EBF2: variants seen among roughly 807,000 people sequenced by gnomAD.
The protein encoded by EBF2 is transcription factor COE2.
A neutral mutation model predicts 72.8 loss-of-function variants in EBF2; 21 were observed. That is an observed-to-expected ratio of 0.29 (90% CI 0.20 to 0.42). The LOEUF is 0.42. Ranked by LOEUF, EBF2 falls within the 10% of genes least tolerant of loss-of-function variation. The pLI is 1.00. For synonymous variants in EBF2, 299 were observed against 274.2 expected, an observed-to-expected ratio of 1.09 and a Z score of -0.89; for missense variants, 637 against 731.2, an observed-to-expected ratio of 0.87 and a Z score of 1.49.
chr8:26,035,254 T>C (rs529945685), intron 5 of EBF2, among the ~76,000 whole-genome samples: 41 of 152,210 alleles, frequency 2.7e-4, no homozygotes, highest in African/African-American at 9.6e-4. Context: ...ATGATCCTCC[T>C]TTCTCAGACT....
chr8:25,984,181 C>T (rs1359191038), intron 6 of EBF2, among the ~76,000 whole-genome samples: 2 of 152,074 alleles, frequency 1.3e-5, no homozygotes, highest in Non-Finnish European at 2.9e-5. Context: ...GCTGGGTCTC[C>T]CAAATTTGGG....
At position 25,850,778 on chromosome 8, in the gene EBF2, C is replaced by A. The variant is rs1801951480; in HGVS notation, c.1529-17G>T. On this transcript the variant is annotated splice_polypyrimidine_tract_variant and intron_variant, in intron 14 of 15. Transcript: ENST00000520164. ...ATGACATGACTGGAAAGCAAATGCA[C>A]AATCCTCATTTAGAAATTAAGATCT... The A allele has an allele frequency of 1.9e-6, 3 of 1,549,588 alleles. No individual in the cohort carries two copies. In the Admixed American group the frequency reaches 6.6e-5, roughly 34 times the overall value.
chr8:25,876,554 C>T (rs534251853), intron 10 of EBF2, among the ~76,000 whole-genome samples: 3 of 152,328 alleles, frequency 2.0e-5, no homozygotes, highest in South Asian at 2.1e-4. Flanking sequence ...CTGAGACCCC[C>T]TTCATGCTCA....
intron 10 of EBF2, among the ~76,000 whole-genome samples, chr8:25,878,796 T>C (rs1056325835): frequency 5.6e-4 from 85 of 152,268 alleles, no homozygotes; most frequent in African/African-American, 2.0e-3. Context: ...TCTTTATTTG[T>C]GAATGAACAA....
intron 10 of EBF2, among the ~76,000 whole-genome samples, chr8:25,875,706 T>C (rs890682860): frequency 1.3e-5 from 2 of 152,206 alleles, no homozygotes; most frequent in Non-Finnish European, 2.9e-5. Context: ...CCCAGTCTCA[T>C]AAGAACCTTC....
At chr8:26,008,641 A>AT (rs1181790499) in intron 6 of EBF2, among the ~76,000 whole-genome samples, 1 of 152,128 alleles carries the variant, frequency 6.6e-6, no homozygotes. Context: ...TTCCCATTTG[A>AT]TTTTTTCCTT....
chr8:26,005,743 A>T (rs533983585), intron 6 of EBF2, among the ~76,000 whole-genome samples: 171 of 148,630 alleles, frequency 1.2e-3, no homozygotes, highest in Admixed American at 3.9e-3. Flanking sequence ...AGGTAGGAAG[A>T]TCACTTGAGC....
At position 26,044,626 on chromosome 8, in the gene EBF2, G is replaced by T. The variant is rs2117271175; in HGVS notation, c.131+103C>A. The T allele has an allele frequency of 2.7e-6, 4 of 1,496,370 alleles. No homozygotes were observed. The highest frequency in any genetic ancestry group is 2.5e-5 in the South Asian group (2 of 79,340). The allele number at this position is 1,496,370 out of a possible 1,614,324, so 92.7% of individuals were successfully genotyped here. On this transcript the variant is annotated intron_variant, in intron 1 of 15. Transcript: ENST00000520164. This position sits in a 1 kb window ranked among gnomAD's most constrained non-coding sequence, Gnocchi z 4.1. Reference sequence around the variant, plus strand: ...GCAGGGCCTGGGCGACAGATGGGGGGACAGGGAGAGAGAAAGGCACGGGGT... The same window carrying T: ...GCAGGGCCTGGGCGACAGATGGGGGTACAGGGAGAGAGAAAGGCACGGGGT...
intron 6 of EBF2, 102 bp downstream of exon 6, chr8:26,032,983 T>C (rs1805434090): frequency 1.7e-6 from 2 of 1,167,948 alleles, no homozygotes; most frequent in Admixed American, 1.8e-5. Context: ...TGAAATAACA[T>C]GAAACCAACT....
intron 6 of EBF2, among the ~76,000 whole-genome samples, chr8:25,990,369 C>A (rs1013704330): frequency 2.0e-5 from 3 of 152,090 alleles, no homozygotes; most frequent in African/African-American, 7.2e-5. Flanking sequence ...TTGTTTTAAA[C>A]AGAAAGCTTA....
chr8:25,908,230 A>G lies in EBF2; in HGVS notation c.633+244T>C, dbSNP rs115483426. 5.2e-3 allele frequency among the ~76,000 whole-genome samples: 792 copies of G among 152,274 alleles called. 7 individuals are homozygous for G. The highest frequency in any genetic ancestry group is 0.018 in the African/African-American group (751 of 41,560). On this transcript the variant is annotated intron_variant, in intron 7 of 15. Coordinates refer to ENST00000520164, the MANE Select transcript of EBF2 (RefSeq NM_022659.4). ...GGGCAGCCCGAGGGCTGAAAATCAA[A>G]TCTCCAGCACCGGTTGGTGCCTCTC...
intron 6 of EBF2, among the ~76,000 whole-genome samples, chr8:25,999,638 C>CTTTT (rs201122059): frequency 2.8e-5 from 4 of 142,882 alleles, no homozygotes; most frequent in Non-Finnish European, 6.1e-5. Context: ...TGTCTTTCCT[C>CTTTT]TTTTTTTTTT....
chr8:26,039,773 T>A (rs578040361), intron 5 of EBF2, among the ~76,000 whole-genome samples: 6 of 152,178 alleles, frequency 3.9e-5, no homozygotes, highest in Non-Finnish European at 7.4e-5. Context: ...AGTGGAGACT[T>A]TCCACGTAGC....
intron 10 of EBF2, among the ~76,000 whole-genome samples, chr8:25,870,599 T>A (rs1426583213): frequency 2.0e-5 from 3 of 152,028 alleles, no homozygotes; most frequent in Non-Finnish European, 4.4e-5. Context: ...GGAGATGAGT[T>A]TTTTTAAAAT....
At chr8:26,001,791 T>C (rs890818650) in intron 6 of EBF2, among the ~76,000 whole-genome samples, 5 of 151,992 alleles carry the variant, frequency 3.3e-5, no homozygotes, top group African/African-American at 1.2e-4. Context: ...TCAAGTGATC[T>C]GCCCGCCTCG....
At chr8:25,862,135 T>G (rs1037593579) in intron 11 of EBF2, among the ~76,000 whole-genome samples, 1 of 152,202 alleles carries the variant, frequency 6.6e-6, no homozygotes, top group Non-Finnish European at 1.5e-5. Flanking sequence ...AATATAAATG[T>G]GAAAATTTAA....
In EBF2 at chr8:25,970,088, G is replaced by A. The variant is rs571311503; in HGVS notation, c.552-61533C>T. Among the ~76,000 whole-genome samples, 33 of 152,242 alleles carry A rather than the reference G, an allele frequency of 2.2e-4. No individual in the cohort carries two copies. The East Asian group carries it at 2.3e-3, about 11-fold the overall frequency. On this transcript the variant is annotated intron_variant, in intron 6 of 15. Transcript: ENST00000520164. ...TAGGGTAATGCAGTCTCTCTATGTC[G>A]TTCCCTCTGCTGGATCTATTCTTTC...
At chr8:26,007,900 TAA>T (rs201656932) in intron 6 of EBF2, among the ~76,000 whole-genome samples, 9 of 143,090 alleles carry the variant, frequency 6.3e-5, no homozygotes, top group African/African-American at 1.8e-4. Context: ...CAGGTTTCCC[TAA>T]AAAAAAAAAA....
intron 6 of EBF2, among the ~76,000 whole-genome samples, chr8:25,983,660 C>CG (rs1222104084): frequency 1.3e-5 from 2 of 152,172 alleles, no homozygotes; most frequent in East Asian, 3.9e-4. Context: ...TCACCCCAGC[C>CG]GGCCCCAGCT....
Sources: gnomAD v4.1 joint callset for allele counts (sites outside exome capture counted in the v4.1 genomes callset) on GRCh38, gnomAD v4.1.1 for gene constraint, Gnocchi (gnomAD v3.1) non-coding constraint, MANE v1.5 for transcripts, NCBI Gene and HGNC (gene_info 2026-07-23, HGNC 2026-07-21) for gene names.